Variants in INPP5F observed in about 807,000 individuals in gnomAD.
INPP5F encodes phosphatidylinositide 4-phosphatase SAC2.
Under a neutral mutation model 137.2 loss-of-function variants are expected in INPP5F, and 97 were observed. That is an observed-to-expected ratio of 0.71 (90% CI 0.60 to 0.84). The LOEUF is 0.84. Ranked by LOEUF, INPP5F falls within the 40% of genes least tolerant of loss-of-function variation. The pLI is 0.00. For missense variants in INPP5F, 1,271 were observed against 1,371.9 expected (o/e 0.93, Z 1.16); for synonymous variants, 504 against 476.9 (o/e 1.06, Z -0.74).
rs1230977595 is a variant in INPP5F, at chr10:119,817,041, C to T, written c.1887-3805C>T. On this transcript the variant is annotated intron_variant, in intron 15 of 19. Transcript: ENST00000650623. ...TCCCTAAGCAACCACTAATCTACTTCGTCTCTGCATTTGCGTATTCTAGAC... is the reference window on the plus strand; with the variant it reads ...TCCCTAAGCAACCACTAATCTACTTTGTCTCTGCATTTGCGTATTCTAGAC... Among the ~76,000 whole-genome samples the T allele has an allele frequency of 6.6e-5, 10 of 152,266 alleles. No homozygotes were observed. The East Asian group carries it at 1.2e-3, about 18-fold the overall frequency.
chr10:119,809,618 A>T (rs968533490), intron 13 of INPP5F, among the ~76,000 whole-genome samples: 1 of 152,232 alleles, frequency 6.6e-6, no homozygotes, highest in Non-Finnish European at 1.5e-5. Flanking sequence ...GGTGATGTGC[A>T]GCAAGGTAAG....
At chr10:119,783,409 C>T (rs12246112) in intron 3 of INPP5F, among the ~76,000 whole-genome samples, 8,274 of 152,204 alleles carry the variant, frequency 0.054, 762 homozygotes, top group African/African-American at 0.18. Flanking sequence ...GGAACCAGCC[C>T]GCCCAGCACT....
intron 2 of INPP5F, among the ~76,000 whole-genome samples, chr10:119,759,412 A>G (rs1848944141): frequency 6.6e-6 from 1 of 151,836 alleles, no homozygotes; most frequent in African/African-American, 2.4e-5. Context: ...TTTTTGAGAC[A>G]GAGTCTTGCT....
In INPP5F at chr10:119,766,894, A is replaced by C. The variant is rs561508386; in HGVS notation, c.179-14741A>C. Among the ~76,000 whole-genome samples, 50 of 152,258 alleles carry C rather than the reference A, an allele frequency of 3.3e-4. 1 individual carries two copies. The South Asian group carries it at 0.01, about 31-fold the overall frequency. The stretch of plus-strand genomic sequence containing the variant: ...CAAGGCTGGCAGATCACCTGAGGTC[A>C]GGAGTTCAAGACTAGCCTGGTCCAA... On this transcript the variant is annotated intron_variant, in intron 2 of 19. Transcript: ENST00000650623.
Position 119,796,745 on chromosome 10 carries a change from A to C in INPP5F, c.700A>C (p.Met234Leu). The C allele has an allele frequency of 6.2e-7, 1 of 1,614,058 alleles. No individual in the cohort carries two copies. Among genetic ancestry groups the C allele is most frequent in the Non-Finnish European group, 8.5e-7 (1 of 1,179,938 alleles). The change falls in exon 7 of 20, where the codon ATG (methionine) becomes CTG (leucine). Residue 234 changes from methionine (M) to leucine (L), a missense_variant. Met to Leu is a conservative substitution (Grantham distance 15, BLOSUM62 2). Transcript: ENST00000650623. ...AGATGTGGACTTTTGGATTATCCCC[A>C]TGATCCAAGGTTTTGTGCAGATTGA... ...TPDVDFWIIP[M>L]IQGFVQIEEL...
At position 119,826,744 on chromosome 10, in the gene INPP5F, T is replaced by G. The variant is rs781218066; in HGVS notation, c.2363T>G (p.Val788Gly). 7 of 1,613,712 alleles carry G rather than the reference T, an allele frequency of 4.3e-6. No homozygotes were observed. In the South Asian group the frequency reaches 6.6e-5, roughly 15 times the overall value. Residue 788 changes from valine to glycine, a missense_variant, in exon 20 of 20, where the codon GTG becomes GGG. Physicochemically the swap from Val to Gly is moderately radical, Grantham distance 109. Transcript: ENST00000650623. ...MSKFSSLNQKVKQTKSNVNIG... is the reference protein window; with the variant it reads ...MSKFSSLNQKGKQTKSNVNIG... Reference sequence around the variant, plus strand: ...AAATTTTCATCTCTAAATCAAAAAGTGAAGCAGACCAAATCCAATGTAAAT... The same window carrying G: ...AAATTTTCATCTCTAAATCAAAAAGGGAAGCAGACCAAATCCAATGTAAAT...
chr10:119,795,540 C>G (rs1347259727), intron 6 of INPP5F, among the ~76,000 whole-genome samples: 4 of 150,954 alleles, frequency 2.6e-5, no homozygotes, highest in African/African-American at 9.8e-5. Flanking sequence ...AAGAGGCGCT[C>G]CTCACTTCCT....
chr10:119,822,980 A>G (rs892323800), intron 17 of INPP5F, 91 bp from the exon 18 acceptor site: 10 of 1,278,404 alleles, frequency 7.8e-6, no homozygotes, highest in African/African-American at 1.5e-5. Context: ...CATTTATATT[A>G]TGAAGAAAAA....
intron 18 of INPP5F, 69 bp from the exon 19 acceptor site, chr10:119,823,746 G>A (rs1851653107): frequency 8.7e-7 from 1 of 1,152,322 alleles, no homozygotes; most frequent in South Asian, 1.4e-5. Context: ...AGCGCTAAAT[G>A]GGTTAGAACT....
At chr10:119,734,276 A>G (rs1006955077) in intron 1 of INPP5F, among the ~76,000 whole-genome samples, 6 of 152,170 alleles carry the variant, frequency 3.9e-5, no homozygotes, top group Non-Finnish European at 8.8e-5. Context: ...TTTGCAGATA[A>G]TACTGGACTA....
chr10:119,744,544 T>C (rs1456001669), intron 1 of INPP5F, among the ~76,000 whole-genome samples: 3 of 152,088 alleles, frequency 2.0e-5, no homozygotes, highest in Non-Finnish European at 4.4e-5. Context: ...CATCATCTTA[T>C]CTCTTTCTTG....
chr10:119,827,807 G>C lies in INPP5F; in HGVS notation c.*27G>C, dbSNP rs1261089867. On this transcript the variant is annotated 3_prime_UTR_variant, in exon 20 of 20. Coordinates refer to ENST00000650623, the MANE Select transcript of INPP5F (RefSeq NM_014937.4). ...TTTTAGCCATAAGAATCCTTCCATG[G>C]CTTTTATTTAAAAATATGAAATTTT... 3 of 1,477,664 alleles carry C rather than the reference G, an allele frequency of 2.0e-6. No homozygotes were observed. In the East Asian group the frequency reaches 6.8e-5, roughly 33 times the overall value. The allele number at this position is 1,477,664 out of a possible 1,614,324, so 91.5% of individuals were successfully genotyped here.
chr10:119,752,484 C>T (rs1316433528), intron 2 of INPP5F, among the ~76,000 whole-genome samples: 2 of 151,128 alleles, frequency 1.3e-5, no homozygotes, highest in African/African-American at 4.9e-5. Flanking sequence ...ATTCGGGAGG[C>T]TGAGGCAGGA....
intron 15 of INPP5F, chr10:119,819,610 A>G: frequency 1.6e-6 from 2 of 1,263,678 alleles, no homozygotes; most frequent in South Asian, 3.5e-5. Flanking sequence ...AGCTGTCTGG[A>G]TCGGTCTCCT....
intron 1 of INPP5F, among the ~76,000 whole-genome samples, chr10:119,733,583 C>T (rs965586986): frequency 1.3e-5 from 2 of 152,284 alleles, no homozygotes; most frequent in East Asian, 1.9e-4. Context: ...GGAGGAGAAG[C>T]GTGTAGGGCA....
At position 119,811,770 on chromosome 10, in the gene INPP5F, C is replaced by A; in HGVS notation, c.1701C>A (p.Gly567=). The A allele has an allele frequency of 1.9e-6, 3 of 1,613,210 alleles. No individual in the cohort carries two copies. The South Asian group carries it at 3.3e-5, about 18-fold the overall frequency. ...YRQAVIDLMQ[G]IPVTEDLYSI... ...ATTCCACCCTAGATTTGATGCAAGGCATTCCAGTGACAGAAGATCTTTATT... is the reference window on the plus strand; with the variant it reads ...ATTCCACCCTAGATTTGATGCAAGGAATTCCAGTGACAGAAGATCTTTATT... Residue 567 remains glycine, a synonymous_variant, in exon 15 of 20, where the codon GGC becomes GGA. Coordinates refer to ENST00000650623, the MANE Select transcript of INPP5F (RefSeq NM_014937.4).
intron 6 of INPP5F, among the ~76,000 whole-genome samples, chr10:119,795,970 C>G (rs947292888): frequency 7.3e-5 from 11 of 151,290 alleles, no homozygotes; most frequent in African/African-American, 1.9e-4. Flanking sequence ...CGCAGGCACT[C>G]GGCAGGCTGA....
chr10:119,737,428 G>A (rs1336966227), intron 1 of INPP5F, among the ~76,000 whole-genome samples: 1 of 152,078 alleles, frequency 6.6e-6, no homozygotes, highest in Non-Finnish European at 1.5e-5. Context: ...GAATCACCAG[G>A]GGGAGATTTA....
At chr10:119,773,801 C>T (rs1337314750) in intron 2 of INPP5F, among the ~76,000 whole-genome samples, 3 of 152,192 alleles carry the variant, frequency 2.0e-5, no homozygotes, top group Non-Finnish European at 4.4e-5. Flanking sequence ...CTTCTGAGCT[C>T]AATCAGTCCT....
Sources: allele counts gnomAD v4.1 joint callset (sites outside exome capture counted in the v4.1 genomes callset), GRCh38; gene constraint gnomAD v4.1.1; transcripts MANE v1.5; gene names NCBI Gene and HGNC (gene_info 2026-07-23, HGNC 2026-07-21).